Variants in NVL observed in about 807,000 individuals in gnomAD.
The protein encoded by NVL is nuclear VCP like.
NVL carries 84 observed loss-of-function variants against 110.2 expected under a neutral mutation model. The observed-to-expected ratio is 0.76, with a 90% CI of 0.64 to 0.91. NVL has a LOEUF of 0.91. Ranked by LOEUF, NVL falls within the 40% of genes least tolerant of loss-of-function variation. The pLI is 0.00. For synonymous variants in NVL, 354 were observed against 361.1 expected (o/e 0.98, Z 0.22); for missense variants, 882 against 1,035.9 (o/e 0.85, Z 2.04).
intron 2 of NVL, among the ~76,000 whole-genome samples, chr1:224,321,884 G>A (rs909429309): frequency 1.3e-5 from 2 of 151,980 alleles, no homozygotes; most frequent in Admixed American, 6.6e-5. Context: ...CCACAGCAAG[G>A]CTTCTTGGTG....
At chr1:224,307,810 T>C (rs1289378497) in intron 6 of NVL, among the ~76,000 whole-genome samples, 181 bp downstream of exon 6, 2 of 151,354 alleles carry the variant, frequency 1.3e-5, no homozygotes, top group Non-Finnish European at 2.9e-5. Context: ...AAGTCAAGAA[T>C]GAGAAAAGGC....
At chr1:224,243,536 A>T (rs1661447337) in intron 19 of NVL, among the ~76,000 whole-genome samples, 1 of 152,148 alleles carries the variant, frequency 6.6e-6, no homozygotes, top group African/African-American at 2.4e-5. Flanking sequence ...ATTTTGTAAG[A>T]CATACACTTC....
At chr1:224,271,873 G>C (rs1343732555) in intron 17 of NVL, among the ~76,000 whole-genome samples, 5 of 151,896 alleles carry the variant, frequency 3.3e-5, no homozygotes, top group Non-Finnish European at 7.4e-5. Flanking sequence ...AATTAGCCAG[G>C]CGTGGTGGTG....
At chr1:224,327,169 G>A (rs1280736317) in intron 1 of NVL, among the ~76,000 whole-genome samples, 10 of 151,510 alleles carry the variant, frequency 6.6e-5, no homozygotes, top group African/African-American at 2.4e-4. Context: ...AAGCCCGGGC[G>A]TGGTGGCTCA....
intron 15 of NVL, among the ~76,000 whole-genome samples, chr1:224,283,785 T>G (rs1026517027): frequency 2.6e-5 from 4 of 152,196 alleles, no homozygotes; most frequent in African/African-American, 9.7e-5. Context: ...CCAAAACTAT[T>G]GTGAAAAAAT....
chr1:224,314,348 C>G (rs1305582466), intron 4 of NVL, among the ~76,000 whole-genome samples: 1 of 152,094 alleles, frequency 6.6e-6, no homozygotes, highest in African/African-American at 2.4e-5. Context: ...TATGATAAAT[C>G]TAAATGAAAA....
chr1:224,277,444 A>G (rs1665884310), intron 16 of NVL, among the ~76,000 whole-genome samples: 1 of 152,368 alleles, frequency 6.6e-6, no homozygotes, highest in African/African-American at 2.4e-5. Context: ...TCAGATAGGA[A>G]TAGAAGAGAA....
At chr1:224,266,738 A>G (rs1375946633) in intron 18 of NVL, among the ~76,000 whole-genome samples, 4 of 152,174 alleles carry the variant, frequency 2.6e-5, no homozygotes, top group Non-Finnish European at 5.9e-5. Context: ...TTCTAGGATG[A>G]CTCTGTGATT....
intron 19 of NVL, among the ~76,000 whole-genome samples, chr1:224,245,494 T>C (rs965961348): frequency 6.6e-6 from 1 of 152,208 alleles, no homozygotes. Context: ...CTGCTCCTCC[T>C]GGGCAGCTCT....
At chr1:224,237,523 T>C (rs1660620078) in intron 19 of NVL, among the ~76,000 whole-genome samples, 1 of 152,154 alleles carries the variant, frequency 6.6e-6, no homozygotes, top group African/African-American at 2.4e-5. Flanking sequence ...CCCAGTAACT[T>C]GCATGCATAC....
At chr1:224,267,678 T>C (rs1452730754) in intron 18 of NVL, among the ~76,000 whole-genome samples, 1 of 147,034 alleles carries the variant, frequency 6.8e-6, no homozygotes, top group African/African-American at 2.5e-5. Context: ...CAGAGCGAGA[T>C]TCTGTCTCAA....
intron 9 of NVL, among the ~76,000 whole-genome samples, chr1:224,302,486 C>A (rs1164212254): frequency 1.3e-5 from 2 of 152,126 alleles, no homozygotes; most frequent in African/African-American, 4.8e-5. Flanking sequence ...CAGGCATGAG[C>A]CACTGCGCCC....
intron 18 of NVL, among the ~76,000 whole-genome samples, chr1:224,267,541 A>G (rs1462358071): frequency 6.6e-6 from 1 of 152,042 alleles, no homozygotes; most frequent in African/African-American, 2.4e-5. Flanking sequence ...TACAAAAAAT[A>G]GCCGGGCATG....
intron 19 of NVL, among the ~76,000 whole-genome samples, chr1:224,243,882 G>A (rs190271908): frequency 2.6e-5 from 4 of 151,380 alleles, no homozygotes; most frequent in African/African-American, 4.9e-5. Context: ...AGTAGGTCTC[G>A]AACTCCTGAC....
chr1:224,265,267 G>A lies in NVL; in HGVS notation c.2182+2767C>T, dbSNP rs1340556548. ...TGCCTGTAATCCCAGCACTTTGGGA[G>A]GCCGAGGAAGGCAGATCCTCTGAGG... On this transcript the variant is annotated intron_variant, in intron 18 of 22. Coordinates refer to ENST00000281701, the MANE Select transcript of NVL (RefSeq NM_002533.4). 4.6e-5 allele frequency among the ~76,000 whole-genome samples: 7 copies of A among 152,148 alleles called. No individual in the cohort carries two copies. In the East Asian group the frequency reaches 1.4e-3, roughly 30 times the overall value.
intron 17 of NVL, chr1:224,269,839 T>G (rs1664885446): frequency 6.6e-6 from 1 of 151,708 alleles, no homozygotes; most frequent in Non-Finnish European, 1.5e-5. Flanking sequence ...AACCTCTGCC[T>G]TCTAGGCTCA....
chr1:224,232,211 G>T (rs915360166), intron 21 of NVL: 6 of 151,336 alleles, frequency 4.0e-5, no homozygotes, highest in Middle Eastern at 6.8e-3. Flanking sequence ...AAATTAGTCA[G>T]GTGTGGTGGC....
At chr1:224,257,263 C>T in intron 18 of NVL, 1 of 383,180 alleles carries the variant, frequency 2.6e-6, no homozygotes, top group Non-Finnish European at 5.2e-6. Flanking sequence ...TGATAAGCAG[C>T]ACCTACTGTT....
intron 9 of NVL, chr1:224,302,918 A>G (rs1668561421): frequency 3.1e-6 from 1 of 318,970 alleles, no homozygotes; most frequent in Non-Finnish European, 6.1e-6. Flanking sequence ...GCGTGGTGGT[A>G]TGTGTCTGTG....
Sources: gnomAD v4.1 joint callset for allele counts (sites outside exome capture counted in the v4.1 genomes callset) on GRCh38, gnomAD v4.1.1 for gene constraint, MANE v1.5 for transcripts, NCBI Gene and HGNC (gene_info 2026-07-23, HGNC 2026-07-21) for gene names.